Variants in TSC22D1 observed in about 807,000 individuals in gnomAD.
TSC22D1 encodes the protein TSC22 domain family member 1.
Under a neutral mutation model 74.2 loss-of-function variants are expected in TSC22D1, and 9 were observed. The observed-to-expected ratio is 0.12, with a 90% confidence interval of 0.07 to 0.21. TSC22D1 has a LOEUF of 0.21. Ranked by LOEUF, TSC22D1 falls within the 10% of genes least tolerant of loss-of-function variation. The probability of loss-of-function intolerance (pLI) is 1.00; values close to 1 mark genes in which losing one functional copy is unlikely to be tolerated. For missense variants in TSC22D1, 1,427 were observed against 1,304.7 expected, an observed-to-expected ratio of 1.09 and a Z score of -1.44; for synonymous variants, 586 against 492.5, an observed-to-expected ratio of 1.19 and a Z score of -2.51.
At chr13:44,537,532 C>T in intron 1 of TSC22D1, 1 of 985,128 alleles carries the variant, frequency 1.0e-6, no homozygotes, top group Non-Finnish European at 1.2e-6. Context: ...AAGAGTTCAA[C>T]TAACTTAATT....
chr13:44,447,870 C>CT (rs1875816583), intron 1 of TSC22D1, among the ~76,000 whole-genome samples: 1 of 134,832 alleles, frequency 7.4e-6, no homozygotes, highest in Non-Finnish European at 1.5e-5. Context: ...GTAAGGGAGA[C>CT]TTTAAGAGGA....
At chr13:44,569,814 T>C (rs910652693) in intron 1 of TSC22D1, among the ~76,000 whole-genome samples, 52 of 152,118 alleles carry the variant, frequency 3.4e-4, no homozygotes, top group African/African-American at 1.2e-3. Context: ...AGGGACAATA[T>C]AAACTTTAAA....
Position 44,434,755 on chromosome 13 carries a change from G to A in TSC22D1, c.3093C>T (p.Ala1031=). 1 of 1,613,952 alleles carries A rather than the reference G, an allele frequency of 6.2e-7. No homozygotes were observed. The highest frequency in any genetic ancestry group is 8.5e-7 in the Non-Finnish European group (1 of 1,180,038). ...GAAACTGGGCAAGCTGCTCAGGACT[G>A]GCCAGTGTCTTCAGCAGATTGTTCT... is the stretch of plus-strand genomic sequence containing the variant. ...EQENNLLKTL[A]SPEQLAQFQA... Residue 1031 remains alanine, a synonymous_variant, in exon 3 of 3, where the codon GCC becomes GCT. Coordinates refer to ENST00000458659, the MANE Select transcript of TSC22D1 (RefSeq NM_183422.4).
rs1874238564 is a variant in TSC22D1, at chr13:44,433,579, G to A, written c.*1047C>T. ...GACAAGTGCAACAGTTAAATACAGT[G>A]ACACCTTACAATTGTGTAGAGAACA... is the stretch of plus-strand genomic sequence containing the variant. On this transcript the variant is annotated 3_prime_UTR_variant, in exon 3 of 3. Coordinates refer to ENST00000458659, the MANE Select transcript of TSC22D1 (RefSeq NM_183422.4). 6.1e-6 allele frequency: 1 copy of A among 162,972 alleles called. No homozygotes were observed. Among genetic ancestry groups the A allele is most frequent in the Non-Finnish European group, 1.3e-5 (1 of 75,704 alleles). 10.1% of individuals were successfully genotyped at this position (162,972 alleles called of 1,614,324 possible). A position where few individuals can be genotyped will look rare whatever the true frequency, so the allele number is the denominator to read the frequency against.
intron 1 of TSC22D1, among the ~76,000 whole-genome samples, chr13:44,456,230 CA>C (rs1387821010): frequency 6.6e-6 from 1 of 152,158 alleles, no homozygotes; most frequent in Non-Finnish European, 1.5e-5. Flanking sequence ...ACAAAGCTTC[CA>C]CGGCGGAGAA....
chr13:44,454,735 T>C (rs1296762334), intron 1 of TSC22D1, among the ~76,000 whole-genome samples: 2 of 152,148 alleles, frequency 1.3e-5, no homozygotes, highest in African/African-American at 4.8e-5. Flanking sequence ...CTCATCTAGG[T>C]ACCATTATTA....
At chr13:44,454,847 T>A (rs1314556508) in intron 1 of TSC22D1, among the ~76,000 whole-genome samples, 1 of 130,736 alleles carries the variant, frequency 7.6e-6, no homozygotes, top group Non-Finnish European at 1.8e-5. Context: ...ACTTCTGCAC[T>A]CTTATCATAA....
chr13:44,543,876 G>A (rs1881636346), intron 1 of TSC22D1, among the ~76,000 whole-genome samples: 1 of 152,172 alleles, frequency 6.6e-6, no homozygotes, highest in Non-Finnish European at 1.5e-5. Context: ...CCGATCACCT[G>A]GGGTCAGGAG....
chr13:44,502,246 G>GT (rs746790166), intron 1 of TSC22D1, among the ~76,000 whole-genome samples: 1 of 152,136 alleles, frequency 6.6e-6, no homozygotes, highest in Non-Finnish European at 1.5e-5. Context: ...GAGACACAAA[G>GT]TAATTGGATA....
intron 1 of TSC22D1, among the ~76,000 whole-genome samples, chr13:44,454,033 A>G (rs958001740): frequency 2.6e-5 from 4 of 152,234 alleles, no homozygotes; most frequent in Non-Finnish European, 5.9e-5. Flanking sequence ...TGTTTTACAA[A>G]GGCCATTAAA....
At chr13:44,561,564 C>T (rs1185366694) in intron 1 of TSC22D1, among the ~76,000 whole-genome samples, 3 of 152,166 alleles carry the variant, frequency 2.0e-5, no homozygotes, top group Non-Finnish European at 4.4e-5. Context: ...CTTTGAACCT[C>T]TTTGCTTAAT....
At chr13:44,439,216 C>T (rs1017417223) in intron 1 of TSC22D1, among the ~76,000 whole-genome samples, 5 of 152,184 alleles carry the variant, frequency 3.3e-5, no homozygotes, top group Non-Finnish European at 7.4e-5. Flanking sequence ...AATAAAATTG[C>T]AAGGAACATC....
rs1883892566 is a variant in TSC22D1 at position 44,573,183 on chromosome 13, C to T, written c.2892G>A (p.Leu964=). 1 of 1,613,936 alleles carries T rather than the reference C, an allele frequency of 6.2e-7. No homozygotes were observed. The highest frequency in any genetic ancestry group is 1.3e-5 in the African/African-American group (1 of 74,916). The part of the protein sequence containing the change: ...PLKVLPLTTP[L]VDGEDESSSG... ...CTTACCTCTCATCCTCGCCATCCAC[C>T]AGGGGTGTCGTCAGCGGTAGCACCT... Residue 964 remains leucine, a synonymous_variant, in exon 1 of 3, where the codon CTG becomes CTA. Coordinates refer to ENST00000458659, the MANE Select transcript of TSC22D1 (RefSeq NM_183422.4).
At chr13:44,544,088 G>A (rs564910257) in intron 1 of TSC22D1, among the ~76,000 whole-genome samples, 3 of 152,032 alleles carry the variant, frequency 2.0e-5, no homozygotes, top group Admixed American at 6.6e-5. Context: ...GCAAGACTCC[G>A]TCTCAAAAAA....
At chr13:44,537,163 A>C in intron 1 of TSC22D1, 2 of 880,414 alleles carry the variant, frequency 2.3e-6, no homozygotes, top group Non-Finnish European at 2.7e-6. Context: ...GATATTACAC[A>C]ATTAGTCATT....
At chr13:44,552,938 C>T (rs1882385081) in intron 1 of TSC22D1, among the ~76,000 whole-genome samples, 1 of 152,002 alleles carries the variant, frequency 6.6e-6, no homozygotes, top group Admixed American at 6.6e-5. Context: ...CAGTGAGCCG[C>T]GATCGTGCCA....
At chr13:44,436,917 C>A in intron 1 of TSC22D1, 6 of 1,065,894 alleles carry the variant, frequency 5.6e-6, no homozygotes, top group Non-Finnish European at 6.8e-6. Context: ...GATTGGCCGG[C>A]ACGCCACTGG....
intron 1 of TSC22D1, among the ~76,000 whole-genome samples, chr13:44,554,313 C>T (rs140936508): frequency 2.3e-4 from 35 of 152,266 alleles, no homozygotes; most frequent in East Asian, 5.8e-4. Flanking sequence ...CCAAGACTAA[C>T]GTTCATTAAA....
intron 1 of TSC22D1, among the ~76,000 whole-genome samples, chr13:44,465,393 G>C (rs1168532431): frequency 6.6e-6 from 1 of 152,184 alleles, no homozygotes; most frequent in Non-Finnish European, 1.5e-5. Context: ...ACACGAGCAT[G>C]ACAATGATGA....
Sources: allele counts gnomAD v4.1 joint callset (sites outside exome capture counted in the v4.1 genomes callset), GRCh38; gene constraint gnomAD v4.1.1; transcripts MANE v1.5; gene names NCBI Gene and HGNC (gene_info 2026-07-23, HGNC 2026-07-21).